Variants in NBAS observed in about 807,000 individuals in gnomAD.
NBAS encodes the protein NBAS subunit of NRZ tethering complex, also known as NAG/BC035112 fusion.
A neutral mutation model predicts 302.5 loss-of-function variants in NBAS; 219 were observed. That is an observed-to-expected ratio of 0.72 (90% CI 0.65 to 0.81). NBAS has a LOEUF of 0.81. NBAS is among the 30% of genes least tolerant of loss of function. NBAS has a pLI of 0.00. For missense variants in NBAS, 2,932 were observed against 2,841.6 expected (o/e 1.03, Z -0.72); for synonymous variants, 1,118 against 1,021.6 (o/e 1.09, Z -1.80).
intron 23 of NBAS, among the ~76,000 whole-genome samples, chr2:15,423,473 T>C (rs144637425): frequency 1.1e-3 from 163 of 152,316 alleles, no homozygotes; most frequent in African/African-American, 3.8e-3. Flanking sequence ...TAGAAATTCA[T>C]TTTATTTATT....
At chr2:14,995,035 T>C in the NBAS span, among the ~76,000 whole-genome samples, 1 of 151,972 alleles carries the variant, frequency 6.6e-6, no homozygotes, top group East Asian at 1.9e-4. Context: ...GTGGGTTGGA[T>C]GTGTGGCAGG....
In NBAS at chr2:15,414,596, A is replaced by G. The variant is rs184474029; in HGVS notation, c.2937+950T>C. On this transcript the variant is annotated intron_variant, in intron 25 of 51. Coordinates refer to ENST00000281513, the MANE Select transcript of NBAS (RefSeq NM_015909.4). Reference sequence around the variant, plus strand: ...GAGCAATCATTTGTACCCTTTAGAAATACAAAGCTATACATATAGTAATTG... The same window carrying G: ...GAGCAATCATTTGTACCCTTTAGAAGTACAAAGCTATACATATAGTAATTG... Among the ~76,000 whole-genome samples the G allele has an allele frequency of 7.3e-3, 1,106 of 152,368 alleles. 9 individuals are homozygous for G. Among genetic ancestry groups the G allele is most frequent in the Non-Finnish European group, 0.011 (724 of 68,028 alleles).
At chr2:15,240,331 C>T (rs1667803909) in intron 44 of NBAS, among the ~76,000 whole-genome samples, 1 of 151,482 alleles carries the variant, frequency 6.6e-6, no homozygotes, top group South Asian at 2.1e-4. Context: ...CTTTAAAATG[C>T]TGACAGGACG....
intron 33 of NBAS, among the ~76,000 whole-genome samples, chr2:15,354,206 A>G (rs1292322912): frequency 1.3e-5 from 2 of 152,204 alleles, no homozygotes; most frequent in Non-Finnish European, 2.9e-5. Flanking sequence ...GCAAAGTGCT[A>G]GAAAAAGAGA....
intron 48 of NBAS, among the ~76,000 whole-genome samples, chr2:15,211,095 A>C (rs1305070720): frequency 6.6e-6 from 1 of 152,108 alleles, no homozygotes; most frequent in Non-Finnish European, 1.5e-5. Flanking sequence ...AAATAATTTA[A>C]TTGTACATAT....
At chr2:15,408,950 CTGCT>C (rs2148445557) in intron 25 of NBAS, among the ~76,000 whole-genome samples, 1 of 152,244 alleles carries the variant, frequency 6.6e-6, no homozygotes, top group South Asian at 2.1e-4. Context: ...GCTGGGAGGA[CTGCT>C]TGAGGCCAGA....
chr2:15,030,013 T>C, the NBAS span, among the ~76,000 whole-genome samples: 1 of 152,210 alleles, frequency 6.6e-6, no homozygotes, highest in African/African-American at 2.4e-5. Context: ...AGTAATTTAC[T>C]TTTCTGAAAG....
intron 41 of NBAS, among the ~76,000 whole-genome samples, chr2:15,289,345 T>A (rs909010528): frequency 2.0e-5 from 3 of 152,164 alleles, no homozygotes; most frequent in African/African-American, 7.2e-5. Context: ...CAAGCATTCC[T>A]CTCACCTTGG....
At chr2:15,045,686 T>TA in the NBAS span, among the ~76,000 whole-genome samples, 1 of 152,190 alleles carries the variant, frequency 6.6e-6, no homozygotes, top group Non-Finnish European at 1.5e-5. Flanking sequence ...GAAGTGCAGA[T>TA]ATCTCTATGA....
the NBAS span, among the ~76,000 whole-genome samples, chr2:14,920,837 G>A: frequency 6.6e-6 from 1 of 151,908 alleles, no homozygotes; most frequent in Non-Finnish European, 1.5e-5. Flanking sequence ...AGGGAATGAT[G>A]TGGCTGCTTT....
At chr2:15,090,527 C>A in the NBAS span, among the ~76,000 whole-genome samples, 4 of 152,164 alleles carry the variant, frequency 2.6e-5, no homozygotes, top group African/African-American at 9.7e-5. Flanking sequence ...ACATTTACCC[C>A]CAAACCTCAC....
At chr2:14,965,201 A>G in the NBAS span, among the ~76,000 whole-genome samples, 1 of 152,150 alleles carries the variant, frequency 6.6e-6, no homozygotes, top group Non-Finnish European at 1.5e-5. Flanking sequence ...AAATTGATAA[A>G]ATAGAAAACA....
chr2:15,084,690 G>C, the NBAS span, among the ~76,000 whole-genome samples: 76 of 148,904 alleles, frequency 5.1e-4, no homozygotes, highest in Non-Finnish European at 5.1e-4. Context: ...GGCGGGGCGG[G>C]GGGGGTTCCT....
the NBAS span, among the ~76,000 whole-genome samples, chr2:14,784,288 G>C: frequency 6.6e-6 from 1 of 152,158 alleles, no homozygotes. Flanking sequence ...TCTGATGGTA[G>C]TTTCTTTTGC....
intron 28 of NBAS, among the ~76,000 whole-genome samples, chr2:15,390,058 C>T (rs1675511476): frequency 6.6e-6 from 1 of 152,074 alleles, no homozygotes; most frequent in Admixed American, 6.5e-5. Flanking sequence ...CGAAGGGTCC[C>T]CACGAATATT....
chr2:14,838,734 G>A, the NBAS span, among the ~76,000 whole-genome samples: 1 of 151,900 alleles, frequency 6.6e-6, no homozygotes, highest in Non-Finnish European at 1.5e-5. Flanking sequence ...GGTGGCATCA[G>A]CAATCCTAGG....
At chr2:14,785,326 A>G in the NBAS span, among the ~76,000 whole-genome samples, 9 of 152,166 alleles carry the variant, frequency 5.9e-5, no homozygotes, top group South Asian at 4.2e-4. Context: ...TCTCCTGCCT[A>G]ATTGCCCTGG....
the NBAS span, among the ~76,000 whole-genome samples, chr2:14,870,104 G>C: frequency 1.3e-5 from 2 of 152,148 alleles, no homozygotes; most frequent in African/African-American, 4.8e-5. Flanking sequence ...CTGAGAGAAG[G>C]GAAGTATATC....
intron 44 of NBAS, among the ~76,000 whole-genome samples, chr2:15,272,349 C>T (rs942637982): frequency 6.6e-6 from 1 of 152,128 alleles, no homozygotes; most frequent in Non-Finnish European, 1.5e-5. Flanking sequence ...ACATTTTTAA[C>T]ATCATGTACA....
Sources: gnomAD v4.1 joint callset for allele counts (sites outside exome capture counted in the v4.1 genomes callset) on GRCh38, gnomAD v4.1.1 for gene constraint, MANE v1.5 for transcripts, NCBI Gene and HGNC (gene_info 2026-07-23, HGNC 2026-07-21) for gene names.